The following MYOM2 variants were observed in gnomAD, a reference collection of about 807,000 sequenced individuals.
MYOM2 encodes the protein myomesin-2.
In MYOM2, 254 loss-of-function variants were observed where a neutral mutation model predicts 187.6. The observed-to-expected ratio is 1.35, with a 90% confidence interval of 1.22 to 1.50. The LOEUF (loss-of-function observed/expected upper bound fraction) is 1.50. Among genes scored for constraint, MYOM2 ranks in the 40% most tolerant of loss-of-function variants. The probability of loss-of-function intolerance (pLI) is 0.00; values close to 1 mark genes in which losing one functional copy is unlikely to be tolerated. For missense variants in MYOM2, 2,796 were observed against 1,924.0 expected (o/e 1.45, Z -8.48); for synonymous variants, 981 against 753.8 (o/e 1.30, Z -4.94).
At position 2,050,770 on chromosome 8, in the gene MYOM2, T is replaced by C; in HGVS notation, c.4T>C (p.Ser2Pro). Residue 2 changes from serine (S) to proline (P), a missense_variant, in exon 2 of 37, where the codon TCC (serine) becomes CCC (proline). Physicochemically the swap from Ser to Pro is moderately conservative, Grantham distance 74. Coordinates refer to ENST00000262113, the MANE Select transcript of MYOM2 (RefSeq NM_003970.4). Reference sequence around the variant, plus strand: ...CTCTTTGTAGGAGCACGCCAAGATGTCCCTTGTGACTGTCCCCTTCTACCA... The same window carrying C: ...CTCTTTGTAGGAGCACGCCAAGATGCCCCTTGTGACTGTCCCCTTCTACCA... M[S>P]LVTVPFYQKR... The C allele has an allele frequency of 1.9e-5, 31 of 1,610,052 alleles. No homozygotes were observed. The highest frequency in any genetic ancestry group is 2.5e-5 in the Non-Finnish European group (29 of 1,176,564).
chr8:2,123,517 T>C (rs1396415190), intron 29 of MYOM2, 38 bp from the exon 30 acceptor site: 13 of 1,573,292 alleles, frequency 8.3e-6, no homozygotes, highest in Middle Eastern at 1.7e-4. Flanking sequence ...GATTGCAGTA[T>C]TGACTTTACA....
At position 2,102,745 on chromosome 8, in the gene MYOM2, G is replaced by A. The variant is rs779691808; in HGVS notation, c.2698G>A (p.Asp900Asn). The A allele has an allele frequency of 6.2e-7, 1 of 1,614,008 alleles. No individual in the cohort carries two copies. The highest frequency in any genetic ancestry group is 2.2e-5 in the East Asian group (1 of 44,902). Residue 900 changes from aspartate to asparagine, a missense_variant, in exon 21 of 37, where the codon GAC (aspartate) becomes AAC (asparagine). By Grantham distance (23) the Asp-to-Asn change is conservative. Transcript: ENST00000262113. ...TGCAAATGGCGTGGGGAAGCCCTCA[G>A]ACACGTCGGAGCCTGTGCTGGTAGA... Reference protein sequence around the residue: ...VNANGVGKPSDTSEPVLVEAR... With the variant: ...VNANGVGKPSNTSEPVLVEAR...
intron 1 of MYOM2, among the ~76,000 whole-genome samples, chr8:2,046,751 C>CTTT (rs574408692): frequency 2.9e-5 from 4 of 139,508 alleles, no homozygotes; most frequent in Admixed American, 7.2e-5. Flanking sequence ...TTTCTTTTTT[C>CTTT]TTTTTTTTTT....
At position 2,113,590 on chromosome 8, in the gene MYOM2, C is replaced by T. The variant is rs182900382; in HGVS notation, c.3181-2370C>T. Among the ~76,000 whole-genome samples the T allele has an allele frequency of 1.2e-3, 190 of 152,154 alleles. 3 individuals are homozygous for T. Among genetic ancestry groups the T allele is most frequent in the African/African-American group, 4.1e-3 (170 of 41,510 alleles). On this transcript the variant is annotated intron_variant, in intron 25 of 36. Transcript: ENST00000262113. ...TTGCAGCCAGGGATGGAGGAAGGAC[C>T]GACTGGGACAGGTTCATAGTTTCAG...
chr8:2,112,402 G>T (rs775029306), intron 25 of MYOM2, among the ~76,000 whole-genome samples: 2 of 151,326 alleles, frequency 1.3e-5, no homozygotes, highest in African/African-American at 4.9e-5. Flanking sequence ...GGGTCGGGGG[G>T]TGGGGGTCAG....
chr8:2,081,497 G>A (rs993856119), intron 13 of MYOM2, among the ~76,000 whole-genome samples: 1 of 152,230 alleles, frequency 6.6e-6, no homozygotes, highest in African/African-American at 2.4e-5. Flanking sequence ...TCAGGGAGGA[G>A]GTGGGCAGCC....
intron 6 of MYOM2, among the ~76,000 whole-genome samples, chr8:2,061,395 C>T (rs1818847401): frequency 6.6e-6 from 1 of 152,190 alleles, no homozygotes; most frequent in Admixed American, 6.5e-5. Flanking sequence ...TGGGCTCTGC[C>T]TGGCTTCTCT....
chr8:2,123,646 A>C lies in MYOM2; in HGVS notation c.3655+4A>C. The C allele has an allele frequency of 6.2e-7, 1 of 1,612,874 alleles. No individual in the cohort carries two copies. Among genetic ancestry groups the C allele is most frequent in the Non-Finnish European group, 8.5e-7 (1 of 1,178,850 alleles). On this transcript the variant is annotated splice_donor_region_variant and intron_variant, in intron 30 of 36. Transcript: ENST00000262113. ...ATCCTTGAAATAGCTGGCAAAGGTA[A>C]AAGAAAACCTCCTTTGTTCTGTGAA...
In MYOM2 at chr8:2,085,561, T is replaced by C. The variant is rs184405864; in HGVS notation, c.1644+171T>C. 6.2e-3 allele frequency among the ~76,000 whole-genome samples: 96 copies of C among 15,608 alleles called. 4 individuals are homozygous for C. Among genetic ancestry groups the C allele is most frequent in the African/African-American group, 8.3e-3 (9 of 1,084 alleles). The allele number at this position is 15,608 out of a possible 152,430, so 10.2% of individuals were successfully genotyped here. ...TGCGTGGCCCCACTGTCATGATCTC[T>C]GCGTGGCCCCACTGTTGTGATCTCT... is the stretch of plus-strand genomic sequence containing the variant. On this transcript the variant is annotated intron_variant, in intron 14 of 36. Coordinates refer to ENST00000262113, the MANE Select transcript of MYOM2 (RefSeq NM_003970.4).
At chr8:2,076,412 A>G in intron 11 of MYOM2, 130 bp downstream of exon 11, 1 of 1,201,340 alleles carries the variant, frequency 8.3e-7, no homozygotes, top group Non-Finnish European at 1.1e-6. Flanking sequence ...GTACATGGCT[A>G]ATTGGTTGTA....
chr8:2,095,061 A>G (rs1796433208), intron 17 of MYOM2, among the ~76,000 whole-genome samples: 1 of 152,234 alleles, frequency 6.6e-6, no homozygotes, highest in Admixed American at 6.5e-5. Context: ...TGGCTCGTTG[A>G]TGATTTTTCA....
intron 31 of MYOM2, among the ~76,000 whole-genome samples, chr8:2,124,721 T>G (rs942551486): frequency 3.3e-5 from 5 of 152,222 alleles, no homozygotes; most frequent in Non-Finnish European, 7.3e-5. Context: ...CCACCAATCA[T>G]GCACAAGTGT....
Position 2,117,042 on chromosome 8 carries a change from G to T in MYOM2, c.3385+767G>T, listed in dbSNP as rs189307759. On this transcript the variant is annotated intron_variant, in intron 27 of 36. Transcript: ENST00000262113. ...CCTCCCAAAGTGCTGGGATTACAGG[G>T]GTGATCCACTGCGCCCAGCCTCAAA... Among the ~76,000 whole-genome samples the T allele has an allele frequency of 5.3e-5, 8 of 152,282 alleles. No homozygotes were observed. The South Asian group carries it at 1.0e-3, about 20-fold the overall frequency.
chr8:2,050,121 C>T (rs1818434018), intron 1 of MYOM2, among the ~76,000 whole-genome samples: 2 of 152,186 alleles, frequency 1.3e-5, no homozygotes, highest in African/African-American at 4.8e-5. Flanking sequence ...GCCACCTCCG[C>T]TTGTGGCTGC....
Position 2,145,049 on chromosome 8 carries a change from C to T in MYOM2, c.*68C>T, listed in dbSNP as rs899141163. ...AGACAGGAATGCTGTGTGCTTGTTC[C>T]AAATGAGCAGCTGGCATCCGAGTGG... On this transcript the variant is annotated 3_prime_UTR_variant, in exon 37 of 37. Coordinates refer to ENST00000262113, the MANE Select transcript of MYOM2 (RefSeq NM_003970.4). The T allele has an allele frequency of 1.5e-5, 23 of 1,539,550 alleles. No homozygotes were observed. The African/African-American group carries it at 3.1e-4, about 20-fold the overall frequency.
In MYOM2 at chr8:2,117,865, TTCCCTTTTTTCC is replaced by T; in HGVS notation, c.3386-14_3386-3del. The T allele has an allele frequency of 1.9e-6, 3 of 1,594,730 alleles. No homozygotes were observed. The highest frequency in any genetic ancestry group is 2.6e-6 in the Non-Finnish European group (3 of 1,170,372). ...ACTTTTTCCTTTTTTATATGTTTTC[TTCCCTTTTTTCC>T]TCCCTAGGCCCTCATTTTGCTGAGT... On this transcript the variant is annotated splice_polypyrimidine_tract_variant and splice_region_variant and intron_variant, in intron 27 of 36. Coordinates refer to ENST00000262113, the MANE Select transcript of MYOM2 (RefSeq NM_003970.4).
rs1585860979 is a variant in MYOM2 at position 2,077,064 on chromosome 8, C to T, written c.1262+782C>T. On this transcript the variant is annotated intron_variant, in intron 11 of 36. Coordinates refer to ENST00000262113, the MANE Select transcript of MYOM2 (RefSeq NM_003970.4). The stretch of plus-strand genomic sequence containing the variant: ...CGGTGGCTCACGCCTGTAATCCCAG[C>T]ACTTTGGGAGGCCAACGCGGGCGGA... 3.3e-5 allele frequency among the ~76,000 whole-genome samples: 5 copies of T among 152,210 alleles called. No homozygotes were observed. The South Asian group carries it at 1.0e-3, about 31-fold the overall frequency.
chr8:2,072,297 C>T, intron 8 of MYOM2, 48 bp from the exon 9 acceptor site: 1 of 1,485,678 alleles, frequency 6.7e-7, no homozygotes, highest in Admixed American at 1.9e-5. Context: ...TCCATCGTTT[C>T]ATGCTCTCTG....
intron 21 of MYOM2, among the ~76,000 whole-genome samples, chr8:2,104,767 G>A (rs528039425): frequency 5.3e-5 from 8 of 152,144 alleles, no homozygotes; most frequent in East Asian, 1.9e-4. Flanking sequence ...GGGTGTGTGC[G>A]GAAACGGACC....
Sources: allele counts gnomAD v4.1 joint callset (sites outside exome capture counted in the v4.1 genomes callset), GRCh38; gene constraint gnomAD v4.1.1; transcripts MANE v1.5; gene names NCBI Gene and HGNC (gene_info 2026-07-23, HGNC 2026-07-21).